RAB3IL1: variants seen among roughly 807,000 people sequenced by gnomAD.
The protein encoded by RAB3IL1 is guanine nucleotide exchange factor for Rab-3A.
Under a neutral mutation model 49.2 loss-of-function variants are expected in RAB3IL1, and 37 were observed. The ratio of observed to expected loss-of-function variants is 0.75; its 90% confidence interval spans 0.58 to 0.99. The LOEUF (loss-of-function observed/expected upper bound fraction) is 0.99. Ranked by LOEUF, RAB3IL1 falls within the 50% of genes least tolerant of loss-of-function variation. The probability of loss-of-function intolerance (pLI) is 0.00; values close to 1 mark genes in which losing one functional copy is unlikely to be tolerated. For synonymous variants in RAB3IL1, 193 were observed against 213.9 expected (o/e 0.90, Z 0.85); for missense variants, 484 against 513.0 (o/e 0.94, Z 0.55).
At chr11:61,920,264 C>A (rs560693996), upstream of RAB3IL1, 16 of 1,235,150 alleles carry the variant, frequency 1.3e-5, no homozygotes, top group East Asian at 2.2e-4. Flanking sequence ...TTCTTCCCCC[C>A]ACCAGGCTGA....
In RAB3IL1 at chr11:61,917,535, G is replaced by A. The variant is rs1418378733; in HGVS notation, c.-168C>T. ...CAGACGCCTGGGCTCGCGGCCCCCA[G>A]CCCAGCCCCGACCCTGCCCTGGGCG... is the stretch of plus-strand genomic sequence containing the variant. On this transcript the variant is annotated 5_prime_UTR_variant, in exon 1 of 10. Coordinates refer to ENST00000394836, the MANE Select transcript of RAB3IL1 (RefSeq NM_013401.4). The A allele has an allele frequency of 3.6e-6, 4 of 1,111,712 alleles. No homozygotes were observed. The highest frequency in any genetic ancestry group is 3.3e-6 in the Non-Finnish European group (3 of 912,724). 68.9% of individuals were successfully genotyped at this position (1,111,712 alleles called of 1,614,324 possible). A position where few individuals can be genotyped will look rare whatever the true frequency, so the allele number is the denominator to read the frequency against.
chr11:61,900,488 G>C (rs1218442545), intron 8 of RAB3IL1, among the ~76,000 whole-genome samples: 1 of 152,214 alleles, frequency 6.6e-6, no homozygotes, highest in Non-Finnish European at 1.5e-5. Context: ...GAGAGAGCGG[G>C]GCGAGGTCGG....
At chr11:61,932,486 T>C in the RAB3IL1 span, among the ~76,000 whole-genome samples, 1 of 152,172 alleles carries the variant, frequency 6.6e-6, no homozygotes, top group Non-Finnish European at 1.5e-5. Flanking sequence ...ATTTTAATAG[T>C]TCATTCATTC....
the RAB3IL1 span, among the ~76,000 whole-genome samples, chr11:61,930,916 C>T: frequency 6.6e-6 from 1 of 152,112 alleles, no homozygotes; most frequent in African/African-American, 2.4e-5. Context: ...TTAATATGTG[C>T]CTAATAAAAT....
At position 61,904,892 on chromosome 11, in the gene RAB3IL1, A is replaced by G. The variant is rs753437133; in HGVS notation, c.658-10T>C. The G allele has an allele frequency of 6.6e-6, 10 of 1,505,972 alleles. No homozygotes were observed. In the Admixed American group the frequency reaches 1.5e-4, roughly 22 times the overall value. 93.3% of individuals were successfully genotyped at this position (1,505,972 alleles called of 1,614,324 possible). A position where few individuals can be genotyped will look rare whatever the true frequency, so the allele number is the denominator to read the frequency against. ...ACAGGATTGTGTCCACCTGTGGGGG[A>G]GGGCAAGCGAGGGTGGGGGCGGTCA... On this transcript the variant is annotated splice_polypyrimidine_tract_variant and intron_variant, in intron 5 of 9. Transcript: ENST00000394836.
chr11:61,905,318 C>T (rs1939129071), intron 5 of RAB3IL1, among the ~76,000 whole-genome samples: 1 of 152,184 alleles, frequency 6.6e-6, no homozygotes, highest in African/African-American at 2.4e-5. Context: ...GACTGCTGGC[C>T]TGCTCCAGGC....
At chr11:61,914,391 A>G (rs1490785770) in intron 1 of RAB3IL1, among the ~76,000 whole-genome samples, 1 of 152,260 alleles carries the variant, frequency 6.6e-6, no homozygotes, top group African/African-American at 2.4e-5. Context: ...GGGGGCTGGA[A>G]CAGTGTCATG....
intron 5 of RAB3IL1, 79 bp from the exon 6 acceptor site, chr11:61,904,961 G>A (rs1275291683): frequency 1.8e-6 from 2 of 1,107,184 alleles, no homozygotes; most frequent in African/African-American, 1.6e-5. Flanking sequence ...AGCTGAAGGG[G>A]AGCGAGGGAG....
At chr11:61,911,245 G>A (rs1363436304) in intron 1 of RAB3IL1, among the ~76,000 whole-genome samples, 2 of 152,206 alleles carry the variant, frequency 1.3e-5, no homozygotes, top group African/African-American at 4.8e-5. Flanking sequence ...ATGGCAAGAA[G>A]TGTGGGAACA....
Position 61,917,556 on chromosome 11 carries a change from G to A in RAB3IL1, c.-189C>T, listed in dbSNP as rs1939760664. ...CCCAGCCCAGCCCCGACCCTGCCCT[G>A]GGCGGGTCACGTGGCGGAGGGGGGA... On this transcript the variant is annotated 5_prime_UTR_variant, in exon 1 of 10. Transcript: ENST00000394836. 8.2e-6 allele frequency: 9 copies of A among 1,098,064 alleles called. No homozygotes were observed. Among genetic ancestry groups the A allele is most frequent in the Admixed American group, 5.1e-5 (1 of 19,494 alleles). 68.0% of individuals were successfully genotyped at this position (1,098,064 alleles called of 1,614,324 possible).
intron 1 of RAB3IL1, among the ~76,000 whole-genome samples, chr11:61,909,284 A>C (rs976420545): frequency 6.6e-5 from 10 of 152,150 alleles, no homozygotes; most frequent in African/African-American, 2.2e-4. Context: ...GGCAAGGCCA[A>C]GGAGAAAGTG....
chr11:61,908,763 T>TAC (rs1555088679), intron 1 of RAB3IL1, among the ~76,000 whole-genome samples: 1 of 152,216 alleles, frequency 6.6e-6, no homozygotes, highest in Non-Finnish European at 1.5e-5. Flanking sequence ...CCTTCACTGA[T>TAC]ACAGTTAATG....
the RAB3IL1 span, among the ~76,000 whole-genome samples, chr11:61,931,202 T>C: frequency 6.6e-6 from 1 of 152,198 alleles, no homozygotes. Context: ...AGCATAACAC[T>C]GGAGATTTAT....
chr11:61,929,368 G>T, the RAB3IL1 span, among the ~76,000 whole-genome samples: 7 of 152,018 alleles, frequency 4.6e-5, no homozygotes, highest in East Asian at 1.4e-3. Context: ...AGCTGGGTGT[G>T]GTGGCATGCG....
intron 8 of RAB3IL1, among the ~76,000 whole-genome samples, chr11:61,900,039 G>T (rs1410160798): frequency 6.6e-6 from 1 of 152,224 alleles, no homozygotes; most frequent in Non-Finnish European, 1.5e-5. Context: ...CCCAGCTGCT[G>T]AGAGTGGGGG....
intron 1 of RAB3IL1, among the ~76,000 whole-genome samples, chr11:61,912,351 A>T (rs1490133212): frequency 6.6e-6 from 1 of 152,156 alleles, no homozygotes; most frequent in Non-Finnish European, 1.5e-5. Context: ...TGTGATTAAC[A>T]TCCAGGGACC....
At chr11:61,914,551 G>A (rs778222900) in intron 1 of RAB3IL1, among the ~76,000 whole-genome samples, 19 of 152,214 alleles carry the variant, frequency 1.2e-4, no homozygotes, top group Non-Finnish European at 2.5e-4. Context: ...GTGGGGAATC[G>A]GAAGGGGGAC....
intron 2 of RAB3IL1, 102 bp from the exon 3 acceptor site, chr11:61,907,762 T>C (rs1939272353): frequency 9.1e-7 from 1 of 1,094,566 alleles, no homozygotes; most frequent in Middle Eastern, 2.3e-4. Context: ...CGTCATTTTA[T>C]GTGGGGCTCA....
At chr11:61,929,688 C>T in the RAB3IL1 span, among the ~76,000 whole-genome samples, 5 of 150,060 alleles carry the variant, frequency 3.3e-5, no homozygotes, top group South Asian at 2.1e-4. Context: ...TGGGTTCAAG[C>T]GATTCCCCTG....
Sources: allele counts gnomAD v4.1 joint callset (sites outside exome capture counted in the v4.1 genomes callset), GRCh38; gene constraint gnomAD v4.1.1; transcripts MANE v1.5; gene names NCBI Gene and HGNC (gene_info 2026-07-23, HGNC 2026-07-21).